Variants in STX16 observed in about 807,000 individuals in gnomAD.
STX16 encodes syntaxin 16.
In STX16, 28 loss-of-function variants were observed where a neutral mutation model predicts 42.7. The observed-to-expected ratio is 0.66, with a 90% CI of 0.49 to 0.90. STX16 has a LOEUF of 0.90. Ranked by LOEUF, STX16 falls within the 40% of genes least tolerant of loss-of-function variation. The pLI is 0.00. For synonymous variants in STX16, 156 were observed against 155.2 expected (o/e 1.00, Z -0.04); for missense variants, 361 against 420.9 (o/e 0.86, Z 1.24).
chr20:58,676,409 G>C lies in STX16; in HGVS notation c.*118G>C. On this transcript the variant is annotated 3_prime_UTR_variant, in exon 9 of 9. Coordinates refer to ENST00000371141, the MANE Select transcript of STX16 (RefSeq NM_001001433.3). ...CCTCGAGGAATCTGAGGGCGTCGGG[G>C]CAGCGAACCTTTGCATCCACGGACT... The C allele has an allele frequency of 1.2e-6, 1 of 865,758 alleles. No homozygotes were observed. The highest frequency in any genetic ancestry group is 1.9e-6 in the Non-Finnish European group (1 of 525,570). 53.6% of individuals were successfully genotyped at this position (865,758 alleles called of 1,614,324 possible).
chr20:58,670,646 C>T, intron 6 of STX16, 43 bp downstream of exon 6: 1 of 1,525,192 alleles, frequency 6.6e-7, no homozygotes, highest in Non-Finnish European at 9.1e-7. Context: ...GTCTGTGCAC[C>T]CCATTCTGCA....
At chr20:58,663,500 A>AT (rs1194391238) in intron 2 of STX16, among the ~76,000 whole-genome samples, 45 of 152,104 alleles carry the variant, frequency 3.0e-4, no homozygotes, top group Non-Finnish European at 4.9e-4. Context: ...CATCTGTTGG[A>AT]TTTTTTCTGC....
Position 58,670,541 on chromosome 20 carries a change from C to T in STX16, c.586C>T (p.His196Tyr). 1 of 1,614,110 alleles carries T rather than the reference C, an allele frequency of 6.2e-7. No homozygotes were observed. The highest frequency in any genetic ancestry group is 8.5e-7 in the Non-Finnish European group (1 of 1,179,976). Residue 196 changes from histidine to tyrosine, a missense_variant, in exon 6 of 9, where the codon CAT becomes TAT. By Grantham distance (83) the His-to-Tyr change is moderately conservative. Transcript: ENST00000371141. ...RMKNREERSQHFFDTSVPLMD... is the reference protein window; with the variant it reads ...RMKNREERSQYFFDTSVPLMD... ...GAAGAATCGAGAGGAAAGATCCCAG[C>T]ATTTTTTCGACACATCAGTACCACT...
At chr20:58,654,358 G>C (rs1261209357) in intron 1 of STX16, among the ~76,000 whole-genome samples, 1 of 152,078 alleles carries the variant, frequency 6.6e-6, no homozygotes, top group Non-Finnish European at 1.5e-5. Context: ...TATTTTAATT[G>C]TGTTAAAAAA....
intron 2 of STX16, among the ~76,000 whole-genome samples, chr20:58,660,713 CTTT>C (rs10706096): frequency 3.3e-4 from 23 of 70,722 alleles, no homozygotes; most frequent in African/African-American, 9.9e-4. Context: ...ATTCCTGCTC[CTTT>C]TTTTTTTTTT....
At chr20:58,672,729 C>T (rs1272684017) in intron 7 of STX16, among the ~76,000 whole-genome samples, 1 of 152,196 alleles carries the variant, frequency 6.6e-6, no homozygotes, top group Non-Finnish European at 1.5e-5. Flanking sequence ...TCTGACCGAG[C>T]TCAGCAATGA....
At chr20:58,667,279 C>G in intron 2 of STX16, 1 of 657,852 alleles carries the variant, frequency 1.5e-6, no homozygotes, top group Non-Finnish European at 2.8e-6. Flanking sequence ...GGAAAACAAT[C>G]CAAATCCTAG....
At chr20:58,673,820 C>T (rs1601053023) in intron 8 of STX16, 109 bp downstream of exon 8, 1 of 795,768 alleles carries the variant, frequency 1.3e-6, no homozygotes, top group East Asian at 2.7e-5. Flanking sequence ...CTTGTGTTGT[C>T]CACTCTCAAT....
At position 58,669,390 on chromosome 20, in the gene STX16, C is replaced by G; in HGVS notation, c.493C>G (p.Leu165Val). 1 of 1,611,920 alleles carries G rather than the reference C, an allele frequency of 6.2e-7. No homozygotes were observed. The highest frequency in any genetic ancestry group is 8.5e-7 in the Non-Finnish European group (1 of 1,179,364). The change falls in exon 5 of 9, where the codon CTG becomes GTG. Residue 165 changes from leucine to valine, a missense_variant. Physicochemically the swap from Leu to Val is conservative, Grantham distance 32. Coordinates refer to ENST00000371141, the MANE Select transcript of STX16 (RefSeq NM_001001433.3). ...GRLLGNVVASLAQALQELSTS... is the reference protein window; with the variant it reads ...GRLLGNVVASVAQALQELSTS... ...GCTGCTTGGGAACGTGGTGGCCTCGCTGGCGCAGGCCCTGCAGGAACTCTC... is the reference window on the plus strand; with the variant it reads ...GCTGCTTGGGAACGTGGTGGCCTCGGTGGCGCAGGCCCTGCAGGAACTCTC...
chr20:58,665,797 C>A (rs1052656022), intron 2 of STX16, among the ~76,000 whole-genome samples: 1 of 152,124 alleles, frequency 6.6e-6, no homozygotes. Flanking sequence ...GGCTCCTGGA[C>A]GTGCTGGGAT....
intron 1 of STX16, 73 bp from the exon 2 acceptor site, chr20:58,659,550 T>C: frequency 6.6e-7 from 1 of 1,517,718 alleles, no homozygotes; most frequent in Non-Finnish European, 8.9e-7. Flanking sequence ...CTTGTCTGTC[T>C]GTCTGTCCCA....
chr20:58,674,918 C>T (rs1435308693), intron 8 of STX16, among the ~76,000 whole-genome samples: 1 of 152,116 alleles, frequency 6.6e-6, no homozygotes, highest in East Asian at 1.9e-4. Flanking sequence ...GCTTTCTCTG[C>T]GGGAGTGAGC....
chr20:58,668,752 A>G (rs1191050524), intron 4 of STX16, among the ~76,000 whole-genome samples: 1 of 151,900 alleles, frequency 6.6e-6, no homozygotes, highest in Non-Finnish European at 1.5e-5. Flanking sequence ...TCATAGTACC[A>G]TCCTCATAGG....
chr20:58,667,474 C>T lies in STX16; in HGVS notation c.145-16C>T, dbSNP rs771187972. On this transcript the variant is annotated splice_polypyrimidine_tract_variant and intron_variant, in intron 2 of 8. Transcript: ENST00000371141. Reference sequence around the variant, plus strand: ...GATTAGAATAATTTTTTTCATGTCCCTTTACTTTCCTGTAGCTTGCTGATG... The same window carrying T: ...GATTAGAATAATTTTTTTCATGTCCTTTTACTTTCCTGTAGCTTGCTGATG... 3.0e-5 allele frequency: 49 copies of T among 1,610,414 alleles called. No homozygotes were observed. Among genetic ancestry groups the T allele is most frequent in the Non-Finnish European group, 4.0e-5 (47 of 1,177,226 alleles).
In STX16 at chr20:58,652,128, G is replaced by A; in HGVS notation, c.122G>A (p.Ser41Asn). The A allele has an allele frequency of 6.2e-7, 1 of 1,613,970 alleles. No individual in the cohort carries two copies. The highest frequency in any genetic ancestry group is 8.5e-7 in the Non-Finnish European group (1 of 1,180,004). ...HITSSPLHSR[S>N]IAAELDELAD... ...ACCTCCAGCCCTCTGCATTCACGTAGCATTGCTGCGGTGAGTCTCCTGGCG... is the reference window on the plus strand; with the variant it reads ...ACCTCCAGCCCTCTGCATTCACGTAACATTGCTGCGGTGAGTCTCCTGGCG... The change falls in exon 1 of 9, where the codon AGC (serine) becomes AAC (asparagine). Residue 41 changes from serine to asparagine, a missense_variant. By Grantham distance (46) the Ser-to-Asn change is conservative. Transcript: ENST00000371141.
At chr20:58,670,372 G>A (rs2083939610) in intron 5 of STX16, 140 bp from the exon 6 acceptor site, 2 of 628,738 alleles carry the variant, frequency 3.2e-6, no homozygotes, top group South Asian at 3.8e-5. Flanking sequence ...CACCCCCATT[G>A]GAGATAGGCT....
intron 7 of STX16, among the ~76,000 whole-genome samples, chr20:58,673,072 T>C (rs542013328): frequency 6.6e-6 from 1 of 152,334 alleles, no homozygotes; most frequent in Admixed American, 6.5e-5. Context: ...GTTTAAGAGA[T>C]TAAACAATTA....
At chr20:58,671,026 GA>G in intron 6 of STX16, 127 bp from the exon 7 acceptor site, 4 of 1,016,336 alleles carry the variant, frequency 3.9e-6, no homozygotes, top group Non-Finnish European at 5.4e-6. Flanking sequence ...GTGCTTTGTA[GA>G]AATATTTTCA....
At chr20:58,667,624 T>G in intron 3 of STX16, 27 bp downstream of exon 3, 1 of 1,583,814 alleles carries the variant, frequency 6.3e-7, no homozygotes, top group Non-Finnish European at 8.7e-7. Context: ...TTTCATAGCA[T>G]CTTGTTTTTT....
Sources: allele counts gnomAD v4.1 joint callset (sites outside exome capture counted in the v4.1 genomes callset), GRCh38; gene constraint gnomAD v4.1.1; transcripts MANE v1.5; gene names NCBI Gene and HGNC (gene_info 2026-07-23, HGNC 2026-07-21).